Variants in LINGO2 observed in about 807,000 individuals in gnomAD.
The protein encoded by LINGO2 is leucine rich repeat and Ig domain containing 2.
LINGO2 carries 14 observed loss-of-function variants against 30.6 expected under a neutral mutation model. That is an observed-to-expected ratio of 0.46 (90% CI 0.30 to 0.72). LINGO2 has a LOEUF of 0.72. Among genes scored for constraint, LINGO2 ranks in the 30% least tolerant of loss-of-function variants. LINGO2 has a pLI of 0.07. For missense variants in LINGO2, 729 were observed against 751.7 expected, an observed-to-expected ratio of 0.97 and a Z score of 0.35; for synonymous variants, 317 against 288.5, an observed-to-expected ratio of 1.10 and a Z score of -1.00.
chr9:28,388,766 C>A (rs1587596403), intron 2 of LINGO2, among the ~76,000 whole-genome samples: 1 of 152,116 alleles, frequency 6.6e-6, no homozygotes, highest in Admixed American at 6.6e-5. Context: ...TGAAGGAATT[C>A]TTTGATGCCT....
At chr9:28,665,470 T>A (rs1828764289) in intron 1 of LINGO2, among the ~76,000 whole-genome samples, 1 of 152,122 alleles carries the variant, frequency 6.6e-6, no homozygotes, top group South Asian at 2.1e-4. Flanking sequence ...TGAGTTGCCC[T>A]AAAAAACCTT....
chr9:28,401,868 G>A (rs901460391), intron 2 of LINGO2, among the ~76,000 whole-genome samples: 12 of 151,942 alleles, frequency 7.9e-5, no homozygotes, highest in African/African-American at 2.2e-4. Flanking sequence ...GTTTTGATTC[G>A]TATTTCTTTG....
chr9:28,050,921 T>C (rs1824643115), intron 4 of LINGO2, among the ~76,000 whole-genome samples: 1 of 150,992 alleles, frequency 6.6e-6, no homozygotes, highest in African/African-American at 2.4e-5. Flanking sequence ...TTTCAAAATA[T>C]TGAAAACACA....
chr9:28,508,205 T>A (rs1255735445), intron 1 of LINGO2, among the ~76,000 whole-genome samples: 1 of 152,080 alleles, frequency 6.6e-6, no homozygotes, highest in Admixed American at 6.6e-5. Context: ...GCTTTGTACA[T>A]TTGTTAAAAT....
intron 4 of LINGO2, among the ~76,000 whole-genome samples, chr9:28,081,286 T>C (rs1461782531): frequency 8.9e-6 from 1 of 112,526 alleles, no homozygotes; most frequent in Admixed American, 9.5e-5. Context: ...TAAGATTCAA[T>C]ACTCAAAAAA....
the LINGO2 span, among the ~76,000 whole-genome samples, chr9:29,161,717 A>T: frequency 2.6e-5 from 4 of 152,146 alleles, no homozygotes; most frequent in African/African-American, 9.7e-5. Context: ...CCACTCCCTT[A>T]TGGTGAAGGA....
At chr9:28,668,925 C>T (rs952573287) in intron 1 of LINGO2, among the ~76,000 whole-genome samples, 1 of 152,030 alleles carries the variant, frequency 6.6e-6, no homozygotes, top group Non-Finnish European at 1.5e-5. Flanking sequence ...TCCAAGTTCA[C>T]ATAATGGAGA....
At chr9:28,475,416 G>T (rs1825690132) in intron 2 of LINGO2, among the ~76,000 whole-genome samples, 1 of 152,020 alleles carries the variant, frequency 6.6e-6, no homozygotes, top group Non-Finnish European at 1.5e-5. Context: ...TGATTTAAAG[G>T]CAAGTCACAT....
At chr9:28,103,816 G>T (rs548813396) in intron 4 of LINGO2, among the ~76,000 whole-genome samples, 2 of 152,204 alleles carry the variant, frequency 1.3e-5, no homozygotes, top group South Asian at 4.1e-4. Context: ...ACTTAGATCT[G>T]CCATTTTAAC....
chr9:28,861,234 AATATATATT>A, the LINGO2 span, among the ~76,000 whole-genome samples: 52 of 112,886 alleles, frequency 4.6e-4, no homozygotes, highest in African/African-American at 1.8e-3. Context: ...ATAAATATAT[AATATATATT>A]TTTTATACAA....
At chr9:28,748,267 A>T in the LINGO2 span, among the ~76,000 whole-genome samples, 14 of 152,200 alleles carry the variant, frequency 9.2e-5, no homozygotes, top group East Asian at 2.5e-3. Context: ...CCTTGAAGAT[A>T]GAAAAATGTA....
chr9:28,595,201 A>G (rs1369548810), intron 1 of LINGO2, among the ~76,000 whole-genome samples: 1 of 152,154 alleles, frequency 6.6e-6, no homozygotes, highest in Admixed American at 6.6e-5. Context: ...AAAATAGCAC[A>G]TAATCATGTG....
chr9:29,102,097 TTC>T, the LINGO2 span, among the ~76,000 whole-genome samples: 1 of 148,540 alleles, frequency 6.7e-6, no homozygotes, highest in East Asian at 2.0e-4. Flanking sequence ...TTTTTTTTTT[TTC>T]GAGACCCAGT....
chr9:28,235,336 C>G (rs1821522660), intron 4 of LINGO2, among the ~76,000 whole-genome samples: 1 of 152,132 alleles, frequency 6.6e-6, no homozygotes, highest in African/African-American at 2.4e-5. Context: ...GCCAAAGTCC[C>G]TTTGAATACC....
chr9:28,640,016 G>T (rs1404915438), intron 1 of LINGO2, among the ~76,000 whole-genome samples: 1 of 152,042 alleles, frequency 6.6e-6, no homozygotes, highest in Non-Finnish European at 1.5e-5. Flanking sequence ...GGCAGGCCTG[G>T]TGGTGACAAA....
chr9:29,123,885 C>T, the LINGO2 span, among the ~76,000 whole-genome samples: 1 of 151,942 alleles, frequency 6.6e-6, no homozygotes, highest in East Asian at 1.9e-4. Context: ...TATTGTTGTT[C>T]TTGCTTAAGA....
chr9:28,562,021 G>T (rs1370334365), intron 1 of LINGO2, among the ~76,000 whole-genome samples: 1 of 151,586 alleles, frequency 6.6e-6, no homozygotes, highest in African/African-American at 2.4e-5. Context: ...TGATGTATCT[G>T]CAATAGCCAC....
chr9:28,045,137 C>T lies in LINGO2; in HGVS notation c.-86-32732G>A, dbSNP rs1329018290. ...CCCCATCCTTATGATCCCACATAAG[C>T]CATTTTCCGGTCCATTCCCACCACT... On this transcript the variant is annotated intron_variant, in intron 4 of 5. Coordinates refer to ENST00000379992, the Ensembl canonical transcript of LINGO2. 2.0e-5 allele frequency among the ~76,000 whole-genome samples: 3 copies of T among 151,890 alleles called. 1 individual carries two copies. Among genetic ancestry groups the T allele is most frequent in the Admixed American group, 2.0e-4 (3 of 15,224 alleles).
At chr9:28,422,053 A>G (rs1339738459) in intron 2 of LINGO2, among the ~76,000 whole-genome samples, 3 of 151,876 alleles carry the variant, frequency 2.0e-5, no homozygotes, top group Non-Finnish European at 4.4e-5. Context: ...AAACTATAAA[A>G]CTCTTTGAAG....
Sources: allele counts gnomAD v4.1 joint callset (sites outside exome capture counted in the v4.1 genomes callset), GRCh38; gene constraint gnomAD v4.1.1; transcripts MANE v1.5; gene names NCBI Gene and HGNC (gene_info 2026-07-23, HGNC 2026-07-21).